ARNT2: variants seen among roughly 807,000 people sequenced by gnomAD.
ARNT2 encodes the protein ARNT protein 2.
ARNT2 carries 36 observed loss-of-function variants against 91.7 expected under a neutral mutation model. The observed-to-expected ratio is 0.39, with a 90% confidence interval of 0.30 to 0.52. The LOEUF (loss-of-function observed/expected upper bound fraction) is 0.52. ARNT2 is among the 20% of genes least tolerant of loss of function. The probability of loss-of-function intolerance (pLI) is 0.72; values close to 1 mark genes in which losing one functional copy is unlikely to be tolerated. For missense variants in ARNT2, 775 were observed against 939.3 expected (o/e 0.83, Z 2.29); for synonymous variants, 365 against 347.1 (o/e 1.05, Z -0.57).
intron 8 of ARNT2, among the ~76,000 whole-genome samples, chr15:80,533,008 T>C (rs1284330926): frequency 1.3e-5 from 2 of 152,044 alleles, no homozygotes; most frequent in Non-Finnish European, 2.9e-5. Flanking sequence ...GAAGAGACTT[T>C]TGAGCACCAG....
chr15:80,560,520 G>C lies in ARNT2; in HGVS notation c.1165-2568G>C, dbSNP rs143940032. Among the ~76,000 whole-genome samples the C allele has an allele frequency of 2.8e-4, 43 of 152,214 alleles. No homozygotes were observed. The Middle Eastern group carries it at 0.01, about 36-fold the overall frequency. On this transcript the variant is annotated intron_variant, in intron 11 of 18. Transcript: ENST00000303329. ...CTAAGGCTGAGCTTCCCTTTCCCCAGCTCCTAAGGTCGTGCCTTCTGTGTG... is the reference window on the plus strand; with the variant it reads ...CTAAGGCTGAGCTTCCCTTTCCCCACCTCCTAAGGTCGTGCCTTCTGTGTG...
chr15:80,408,220 A>G (rs975741759), intron 1 of ARNT2, among the ~76,000 whole-genome samples: 1 of 152,348 alleles, frequency 6.6e-6, no homozygotes, highest in Middle Eastern at 3.4e-3. Flanking sequence ...TATCTTTGAT[A>G]TGCCAAGCTG....
rs373485429 is a variant in ARNT2, at chr15:80,414,767, CTT to C, written c.31+10234_31+10235del. Among the ~76,000 whole-genome samples the C allele has an allele frequency of 4.8e-3, 502 of 105,282 alleles. 4 individuals carry two copies. Among genetic ancestry groups the C allele is most frequent in the Admixed American group, 3.5e-3 (31 of 8,826 alleles). The allele number at this position is 105,282 out of a possible 152,430, so 69.1% of individuals were successfully genotyped here. On this transcript the variant is annotated intron_variant, in intron 1 of 18. Coordinates refer to ENST00000303329, the MANE Select transcript of ARNT2 (RefSeq NM_014862.4). Reference sequence around the variant, plus strand: ...AGGATCACAGCTGTGTTCTCTCTCTCTTTTTTTTTTTTTTGAAAATATTTCAC... The same window carrying C: ...AGGATCACAGCTGTGTTCTCTCTCTCTTTTTTTTTTTTGAAAATATTTCAC...
intron 12 of ARNT2, among the ~76,000 whole-genome samples, chr15:80,565,899 A>G (rs1251885485): frequency 6.6e-6 from 1 of 152,036 alleles, no homozygotes; most frequent in Non-Finnish European, 1.5e-5. Flanking sequence ...AAGCTCTTTA[A>G]TTAGATGATG....
At chr15:80,460,221 T>C (rs1406645754) in intron 3 of ARNT2, among the ~76,000 whole-genome samples, 2 of 152,204 alleles carry the variant, frequency 1.3e-5, no homozygotes, top group African/African-American at 2.4e-5. Flanking sequence ...CCATCAGCTT[T>C]TCCAGCTTTT....
chr15:80,437,297 C>G (rs958824546), intron 1 of ARNT2, among the ~76,000 whole-genome samples: 8 of 152,176 alleles, frequency 5.3e-5, no homozygotes, highest in African/African-American at 1.9e-4. Context: ...GTGTCTCCCC[C>G]ACCTTGAATA....
chr15:80,472,631 A>G (rs1896746991), intron 4 of ARNT2, among the ~76,000 whole-genome samples: 2 of 152,214 alleles, frequency 1.3e-5, no homozygotes, highest in African/African-American at 4.8e-5. Context: ...CAGTGGTAAT[A>G]TGTGCCACTT....
intron 12 of ARNT2, among the ~76,000 whole-genome samples, chr15:80,571,719 TC>T (rs1208888220): frequency 3.3e-5 from 5 of 152,210 alleles, no homozygotes; most frequent in Non-Finnish European, 7.3e-5. Flanking sequence ...GGTCATGGCT[TC>T]CTGTTGTTGC....
chr15:80,523,507 G>A (rs765353220), intron 8 of ARNT2, among the ~76,000 whole-genome samples: 1 of 152,188 alleles, frequency 6.6e-6, no homozygotes, highest in African/African-American at 2.4e-5. Flanking sequence ...GACAAATTCT[G>A]TGCCATTCCA....
intron 1 of ARNT2, among the ~76,000 whole-genome samples, chr15:80,420,018 G>A (rs1260901952): frequency 6.6e-6 from 1 of 152,086 alleles, no homozygotes; most frequent in Non-Finnish European, 1.5e-5. Flanking sequence ...AATGGTCACA[G>A]CACCCGCACC....
chr15:80,461,561 C>T (rs960726072), intron 3 of ARNT2, among the ~76,000 whole-genome samples: 4 of 152,042 alleles, frequency 2.6e-5, no homozygotes, highest in Non-Finnish European at 5.9e-5. Context: ...AGAGGCTGGC[C>T]GAGGTCCAGT....
At chr15:80,547,275 C>T (rs1898004948) in intron 8 of ARNT2, among the ~76,000 whole-genome samples, 1 of 152,158 alleles carries the variant, frequency 6.6e-6, no homozygotes, top group South Asian at 2.1e-4. Context: ...TGAATCAAAG[C>T]AGTGATACCA....
At chr15:80,405,484 G>A (rs1433786840) in intron 1 of ARNT2, among the ~76,000 whole-genome samples, 2 of 152,166 alleles carry the variant, frequency 1.3e-5, no homozygotes, top group African/African-American at 2.4e-5. Flanking sequence ...ATGTGTTGGA[G>A]ATAGGGAGGG....
intron 12 of ARNT2, among the ~76,000 whole-genome samples, chr15:80,563,531 G>A (rs1898410238): frequency 2.0e-5 from 3 of 152,296 alleles, no homozygotes; most frequent in African/African-American, 4.8e-5. Context: ...TTCCCCCTGA[G>A]CATGGACCTC....
intron 1 of ARNT2, among the ~76,000 whole-genome samples, chr15:80,412,205 G>A (rs1374664677): frequency 1.3e-5 from 2 of 152,150 alleles, no homozygotes; most frequent in Admixed American, 6.5e-5. Flanking sequence ...CTACAAAAAT[G>A]CCAAAATGTT....
intron 1 of ARNT2, among the ~76,000 whole-genome samples, chr15:80,427,056 G>A (rs1308765709): frequency 6.6e-6 from 1 of 152,124 alleles, no homozygotes; most frequent in East Asian, 1.9e-4. Context: ...TGGGGGTTAG[G>A]ACTTCAACAT....
At chr15:80,586,832 C>T (rs1250883397) in intron 17 of ARNT2, among the ~76,000 whole-genome samples, 3 of 137,178 alleles carry the variant, frequency 2.2e-5, no homozygotes, top group African/African-American at 3.2e-5. Flanking sequence ...CAGAGGAAGA[C>T]TCCATTTCAA....
chr15:80,505,092 T>C (rs1188975859), intron 5 of ARNT2, among the ~76,000 whole-genome samples: 1 of 152,212 alleles, frequency 6.6e-6, no homozygotes, highest in African/African-American at 2.4e-5. Context: ...GAAACACATT[T>C]GTCGCTTGCC....
chr15:80,503,993 G>A (rs1390615386), intron 5 of ARNT2, among the ~76,000 whole-genome samples: 2 of 152,206 alleles, frequency 1.3e-5, no homozygotes, highest in African/African-American at 4.8e-5. Flanking sequence ...GATAGTTCTA[G>A]CACAGCGTGA....
Sources: gnomAD v4.1 joint callset for allele counts (sites outside exome capture counted in the v4.1 genomes callset) on GRCh38, gnomAD v4.1.1 for gene constraint, MANE v1.5 for transcripts, NCBI Gene and HGNC (gene_info 2026-07-23, HGNC 2026-07-21) for gene names.